Variants in NEDD9 observed in about 807,000 individuals in gnomAD.
The protein encoded by NEDD9 is neural precursor cell expressed, developmentally down-regulated 9.
NEDD9 carries 26 observed loss-of-function variants against 76.6 expected under a neutral mutation model. The observed-to-expected ratio is 0.34, with a 90% CI of 0.25 to 0.47. The LOEUF (loss-of-function observed/expected upper bound fraction) is 0.47, where lower values mean the gene tolerates loss of function less well. Among genes scored for constraint, NEDD9 ranks in the 20% least tolerant of loss-of-function variants. NEDD9 has a pLI of 1.00. For synonymous variants in NEDD9, 392 were observed against 414.2 expected (o/e 0.95, Z 0.65); for missense variants, 937 against 1,058.5 (o/e 0.89, Z 1.59).
At chr6:11,315,909 A>G (rs2113453407) in intron 2 of NEDD9, among the ~76,000 whole-genome samples, 1 of 152,372 alleles carries the variant, frequency 6.6e-6, no homozygotes, top group Non-Finnish European at 1.5e-5. Context: ...CCACCTGACC[A>G]GGAAAAAGGG....
rs1473572993 is a variant in NEDD9, at chr6:11,252,410, C to T, written c.13-38683G>A. Among the ~76,000 whole-genome samples, 1 of 152,174 alleles carries T rather than the reference C, an allele frequency of 6.6e-6. No individual in the cohort carries two copies. The highest frequency in any genetic ancestry group is 1.5e-5 in the Non-Finnish European group (1 of 68,036). On this transcript the variant is annotated intron_variant, in intron 3 of 3. Transcript: ENST00000397378. This position sits in a 1 kb window ranked among gnomAD's most constrained non-coding sequence, Gnocchi z 4.3. ...CTCACGTCCCGATTTCACAGTAACT[C>T]ATGTATTATCTCTGCTTATTTTGAA...
intron 3 of NEDD9, among the ~76,000 whole-genome samples, chr6:11,302,812 A>G (rs542551809): frequency 2.0e-5 from 3 of 152,338 alleles, no homozygotes; most frequent in East Asian, 3.9e-4. Context: ...ATAAAATTCA[A>G]CAGCGCTTCA....
At chr6:11,234,083 C>T (rs1759551771), upstream of NEDD9, among the ~76,000 whole-genome samples, 1 of 152,102 alleles carries the variant, frequency 6.6e-6, no homozygotes. Context: ...AGGGACATGA[C>T]CCCCCAGGCC....
intron 2 of NEDD9, among the ~76,000 whole-genome samples, chr6:11,324,785 A>T (rs1030087072): frequency 6.6e-6 from 1 of 151,996 alleles, no homozygotes; most frequent in Non-Finnish European, 1.5e-5. Flanking sequence ...TTAGCTGGGG[A>T]GGGGGAGGGA....
intron 3 of NEDD9, among the ~76,000 whole-genome samples, chr6:11,283,789 G>A (rs1296704626): frequency 2.0e-5 from 3 of 152,332 alleles, no homozygotes; most frequent in Admixed American, 2.0e-4. Flanking sequence ...ATCAAGCACA[G>A]AAATGGATTT....
At chr6:11,225,848 T>C (rs1759294412) in intron 1 of NEDD9, among the ~76,000 whole-genome samples, 1 of 151,136 alleles carries the variant, frequency 6.6e-6, no homozygotes, top group Non-Finnish European at 1.5e-5. Flanking sequence ...AATAGTCCAT[T>C]GTGGGGCCCA....
At chr6:11,271,978 G>A (rs1381835618) in intron 3 of NEDD9, 1 of 152,220 alleles carries the variant, frequency 6.6e-6, no homozygotes. Context: ...TTCTCTGAAA[G>A]CATGTTTCCG....
At chr6:11,350,854 T>A (rs189255358) in intron 1 of NEDD9, among the ~76,000 whole-genome samples, 159 of 151,964 alleles carry the variant, frequency 1.0e-3, no homozygotes, top group Non-Finnish European at 1.6e-3. Flanking sequence ...TGTCAGGGAG[T>A]GTCAACCAGG....
At chr6:11,269,754 G>C (rs530290427) in intron 3 of NEDD9, among the ~76,000 whole-genome samples, 14 of 152,282 alleles carry the variant, frequency 9.2e-5, no homozygotes, top group South Asian at 4.1e-4. Flanking sequence ...ATACCCAAGG[G>C]TGTTCTGCAG....
chr6:11,210,828 G>A (rs896538846), intron 2 of NEDD9, among the ~76,000 whole-genome samples: 26 of 150,958 alleles, frequency 1.7e-4, no homozygotes, highest in Non-Finnish European at 1.5e-5. Context: ...TGAAAAGAAA[G>A]GAAGAGGCAA....
At position 11,268,725 on chromosome 6, in the gene NEDD9, T is replaced by TCA. The variant is rs112345199; in HGVS notation, c.12+37265_12+37266dup. Among the ~76,000 whole-genome samples the TCA allele has an allele frequency of 4.9e-3, 659 of 135,152 alleles. 2 individuals carry two copies. Among genetic ancestry groups the TCA allele is most frequent in the African/African-American group, 0.016 (551 of 35,232 alleles). The allele number at this position is 135,152 out of a possible 152,430, so 88.7% of individuals were successfully genotyped here. ...CCTGGGCAACAAGAACGAAGCTCCA[T>TCA]CACACACACACACACACACAGACAC... On this transcript the variant is annotated intron_variant, in intron 3 of 3. Coordinates refer to the NEDD9 transcript ENST00000397378.
chr6:11,290,354 A>G (rs1392497902), intron 3 of NEDD9, among the ~76,000 whole-genome samples: 3 of 152,198 alleles, frequency 2.0e-5, no homozygotes, highest in Non-Finnish European at 4.4e-5. Context: ...ACAGAATCAA[A>G]CACAAAACAC....
In NEDD9 at chr6:11,213,646, C is replaced by G; in HGVS notation, c.94G>C (p.Val32Leu). 1 of 1,614,124 alleles carries G rather than the reference C, an allele frequency of 6.2e-7. No homozygotes were observed. The highest frequency in any genetic ancestry group is 8.5e-7 in the Non-Finnish European group (1 of 1,180,020). ...LAFRKGDILT[V>L]IEQNTGGLEG... Reference sequence around the variant, plus strand: ...AGTCCCCCTGTGTTCTGCTCTATGACGGTCAGGATGTCTCCCTTGCGAAAG... The same window carrying G: ...AGTCCCCCTGTGTTCTGCTCTATGAGGGTCAGGATGTCTCCCTTGCGAAAG... Residue 32 changes from valine (V) to leucine (L), a missense_variant, in exon 2 of 7, where the codon GTC becomes CTC. Val to Leu is a conservative substitution (Grantham distance 32). Transcript: ENST00000379446. This position sits in a 1 kb window ranked among gnomAD's most constrained non-coding sequence, Gnocchi z 5.4.
intron 2 of NEDD9, among the ~76,000 whole-genome samples, chr6:11,324,023 G>A (rs756287186): frequency 2.0e-5 from 3 of 152,204 alleles, no homozygotes; most frequent in Non-Finnish European, 4.4e-5. Flanking sequence ...GGAAGACCAC[G>A]CTGAGGAGCC....
intron 3 of NEDD9, among the ~76,000 whole-genome samples, chr6:11,278,536 A>C (rs1760465536): frequency 6.6e-6 from 1 of 152,230 alleles, no homozygotes; most frequent in Non-Finnish European, 1.5e-5. Flanking sequence ...GCTAAGAATG[A>C]GAAAGTTGCA....
intron 1 of NEDD9, among the ~76,000 whole-genome samples, chr6:11,225,662 C>T (rs1205672353): frequency 1.3e-5 from 2 of 152,090 alleles, no homozygotes; most frequent in Admixed American, 6.5e-5. Flanking sequence ...CCACCATGCC[C>T]AGCTAATTTT....
chr6:11,225,700 A>G (rs1581968958), intron 1 of NEDD9, among the ~76,000 whole-genome samples: 2 of 151,260 alleles, frequency 1.3e-5, no homozygotes, highest in East Asian at 1.9e-4. Flanking sequence ...ACGGGGTTTC[A>G]CCGTGTTAGC....
intron 6 of NEDD9, among the ~76,000 whole-genome samples, chr6:11,187,860 C>T (rs369390859): frequency 6.6e-6 from 1 of 152,230 alleles, no homozygotes; most frequent in Non-Finnish European, 1.5e-5. Flanking sequence ...TCTATCTTCA[C>T]TTTCTGTTAC....
chr6:11,259,959 C>CACACACACACACACACAG (rs1561808973), intron 3 of NEDD9, among the ~76,000 whole-genome samples: 1 of 151,722 alleles, frequency 6.6e-6, no homozygotes, highest in East Asian at 1.9e-4. Flanking sequence ...CACACACACA[C>CACACACACACACACACAG]AGACACACAC....
Sources: gnomAD v4.1 joint callset for allele counts (sites outside exome capture counted in the v4.1 genomes callset) on GRCh38, gnomAD v4.1.1 for gene constraint, Gnocchi (gnomAD v3.1) non-coding constraint, MANE v1.5 for transcripts, NCBI Gene and HGNC (gene_info 2026-07-23, HGNC 2026-07-21) for gene names.